Variants in KIAA1217 observed in about 807,000 individuals in gnomAD.
The protein encoded by KIAA1217 is KIAA1217, also known as sickle tail protein homolog.
KIAA1217 carries 88 observed loss-of-function variants against 163.9 expected under a neutral mutation model. The observed-to-expected ratio is 0.54, with a 90% CI of 0.45 to 0.64. The LOEUF is 0.64. Ranked by LOEUF, KIAA1217 falls within the 30% of genes least tolerant of loss-of-function variation. The probability of loss-of-function intolerance (pLI) is 0.00; values close to 1 mark genes in which losing one functional copy is unlikely to be tolerated. For missense variants in KIAA1217, 2,372 were observed against 2,475.0 expected (o/e 0.96, Z 0.88); for synonymous variants, 903 against 923.1 (o/e 0.98, Z 0.39).
In KIAA1217 at chr10:24,524,719, A is replaced by G. The variant is rs2297327; in HGVS notation, c.2853A>G (p.Glu951=). The part of the protein sequence containing the change: ...NGSAMQSLFI[E]EIHSVSAKNR... ...CTGCCATGCAGAGCTTGTTCATTGA[A>G]GAAATCCACAGTGTGAGTGCCAAGA... Residue 951 remains glutamate, a synonymous_variant, in exon 13 of 21, where the codon GAA becomes GAG. Transcript: ENST00000376454. The G allele has an allele frequency of 4.3e-5, 69 of 1,610,490 alleles. No individual in the cohort carries two copies. Among genetic ancestry groups the G allele is most frequent in the East Asian group, 3.8e-4 (17 of 44,770 alleles).
intron 1 of KIAA1217, among the ~76,000 whole-genome samples, chr10:23,976,479 A>T (rs1434982071): frequency 6.6e-6 from 1 of 152,170 alleles, no homozygotes; most frequent in Non-Finnish European, 1.5e-5. Flanking sequence ...CAGATGACAC[A>T]TACACACCTA....
At chr10:24,331,712 A>C (rs2045695299) in intron 2 of KIAA1217, among the ~76,000 whole-genome samples, 1 of 152,258 alleles carries the variant, frequency 6.6e-6, no homozygotes, top group African/African-American at 2.4e-5. Context: ...AGCAAATTTC[A>C]AAACACCTCA....
intron 2 of KIAA1217, among the ~76,000 whole-genome samples, chr10:24,098,722 A>AGAGTGT (rs1189629391): frequency 9.0e-6 from 1 of 111,234 alleles, no homozygotes; most frequent in Non-Finnish European, 1.7e-5. Context: ...TCTGAAGGGG[A>AGAGTGT]GCGTGTGTGT....
chr10:23,894,438 G>C (rs1841580169), intron 1 of KIAA1217, among the ~76,000 whole-genome samples: 1 of 147,390 alleles, frequency 6.8e-6, no homozygotes. Context: ...TACAAGGGAT[G>C]TGAAGGACCT....
intron 2 of KIAA1217, among the ~76,000 whole-genome samples, chr10:24,155,389 T>C (rs900962032): frequency 1.3e-5 from 2 of 152,180 alleles, no homozygotes; most frequent in Non-Finnish European, 2.9e-5. Context: ...AACATCTAAG[T>C]TCCACATATT....
intron 2 of KIAA1217, among the ~76,000 whole-genome samples, chr10:24,330,969 G>A (rs1564483669): frequency 6.6e-6 from 1 of 151,598 alleles, no homozygotes; most frequent in Non-Finnish European, 1.5e-5. Context: ...TTTGAGACAG[G>A]GTCTCACTGT....
intron 2 of KIAA1217, among the ~76,000 whole-genome samples, chr10:24,334,872 A>T (rs2046151186): frequency 6.6e-6 from 1 of 152,180 alleles, no homozygotes; most frequent in Non-Finnish European, 1.5e-5. Context: ...GATCTTTTTC[A>T]TATTGTTGAA....
intron 3 of KIAA1217, among the ~76,000 whole-genome samples, chr10:24,407,967 G>A (rs1189667391): frequency 6.6e-6 from 1 of 152,094 alleles, no homozygotes; most frequent in African/African-American, 2.4e-5. Context: ...TTTTGTTATT[G>A]GTCTAGGTTC....
At chr10:23,865,383 A>G (rs934412263) in intron 1 of KIAA1217, among the ~76,000 whole-genome samples, 1 of 152,094 alleles carries the variant, frequency 6.6e-6, no homozygotes, top group Non-Finnish European at 1.5e-5. Flanking sequence ...TATTCTGTGA[A>G]TTGTATTTTG....
chr10:23,949,091 G>A (rs915075512), intron 1 of KIAA1217, among the ~76,000 whole-genome samples: 6 of 152,194 alleles, frequency 3.9e-5, no homozygotes, highest in Non-Finnish European at 8.8e-5. Context: ...AATCAGAGAA[G>A]ATTCCTTACT....
intron 1 of KIAA1217, among the ~76,000 whole-genome samples, chr10:23,915,361 G>C (rs1402103143): frequency 6.6e-6 from 1 of 152,138 alleles, no homozygotes; most frequent in Non-Finnish European, 1.5e-5. Context: ...ATGTGGGGGG[G>C]AGGGAAGTCG....
intron 2 of KIAA1217, among the ~76,000 whole-genome samples, chr10:24,330,101 A>T (rs1318373614): frequency 1.3e-5 from 2 of 151,972 alleles, no homozygotes; most frequent in Non-Finnish European, 2.9e-5. Context: ...GGAGTTGGAG[A>T]CCAGCCTGGC....
intron 2 of KIAA1217, among the ~76,000 whole-genome samples, chr10:24,136,231 T>C (rs1288228789): frequency 2.6e-5 from 4 of 152,114 alleles, no homozygotes; most frequent in East Asian, 1.9e-4. Flanking sequence ...ATTTGTGCTA[T>C]AGTTTCCGGC....
chr10:24,289,712 G>A (rs1252351927), intron 2 of KIAA1217, among the ~76,000 whole-genome samples: 2 of 152,090 alleles, frequency 1.3e-5, no homozygotes, highest in African/African-American at 4.8e-5. Flanking sequence ...CTAGGGCCCT[G>A]GCAAGGGTAG....
chr10:24,211,718 G>T (rs2068150474), intron 1 of KIAA1217, among the ~76,000 whole-genome samples: 1 of 151,782 alleles, frequency 6.6e-6, no homozygotes, highest in African/African-American at 2.4e-5. Flanking sequence ...TTGAGGGAAG[G>T]GCAGGGAGGC....
intron 2 of KIAA1217, among the ~76,000 whole-genome samples, chr10:24,056,305 G>A (rs936498560): frequency 1.2e-4 from 19 of 152,078 alleles, no homozygotes; most frequent in African/African-American, 4.6e-4. Context: ...TTCAGCCTGG[G>A]TGACAGAGGG....
At chr10:24,507,979 A>C (rs1326260125) in intron 9 of KIAA1217, among the ~76,000 whole-genome samples, 1 of 152,218 alleles carries the variant, frequency 6.6e-6, no homozygotes, top group African/African-American at 2.4e-5. Context: ...TATTGAAAGG[A>C]AGAAAAGTCT....
At chr10:24,064,456 T>C (rs547536906) in intron 2 of KIAA1217, among the ~76,000 whole-genome samples, 1 of 152,328 alleles carries the variant, frequency 6.6e-6, no homozygotes, top group South Asian at 2.1e-4. Context: ...TTGATTTGCA[T>C]ATGTTGAACC....
At chr10:24,101,681 G>A (rs1161531100) in intron 2 of KIAA1217, among the ~76,000 whole-genome samples, 2 of 152,110 alleles carry the variant, frequency 1.3e-5, no homozygotes, top group Non-Finnish European at 2.9e-5. Flanking sequence ...ATATGAAATT[G>A]ACATTGTTAG....
Sources: gnomAD v4.1 joint callset for allele counts (sites outside exome capture counted in the v4.1 genomes callset) on GRCh38, gnomAD v4.1.1 for gene constraint, MANE v1.5 for transcripts, NCBI Gene and HGNC (gene_info 2026-07-23, HGNC 2026-07-21) for gene names.